Variants in NALF1 observed in about 807,000 individuals in gnomAD.
The protein encoded by NALF1 is family with sequence similarity 155 member A.
A neutral mutation model predicts 48.4 loss-of-function variants in NALF1; 3 were observed. The ratio of observed to expected loss-of-function variants is 0.06; its 90% CI spans 0.03 to 0.16. The LOEUF is 0.16. Ranked by LOEUF, NALF1 falls within the 10% of genes least tolerant of loss-of-function variation. The pLI, the probability that NALF1 is intolerant of heterozygous loss-of-function variation, is 1.00. For synonymous variants in NALF1, 262 were observed against 245.7 expected (o/e 1.07, Z -0.62); for missense variants, 526 against 571.5 (o/e 0.92, Z 0.81).
intron 1 of NALF1, among the ~76,000 whole-genome samples, chr13:107,662,329 T>C (rs988007903): frequency 6.6e-6 from 1 of 152,162 alleles, no homozygotes; most frequent in African/African-American, 2.4e-5. Flanking sequence ...GTAGAACTCA[T>C]TGTTTCCAGG....
chr13:107,447,714 C>T (rs938396498), intron 1 of NALF1, among the ~76,000 whole-genome samples: 10 of 152,116 alleles, frequency 6.6e-5, no homozygotes, highest in African/African-American at 1.9e-4. Context: ...GTCTTCTGTC[C>T]AGCTAATTCC....
chr13:107,747,419 G>C (rs562806231), intron 1 of NALF1, among the ~76,000 whole-genome samples: 4 of 152,268 alleles, frequency 2.6e-5, no homozygotes, highest in Admixed American at 2.6e-4. Context: ...CAGCAGTTAT[G>C]AAATGTACAT....
intron 1 of NALF1, among the ~76,000 whole-genome samples, chr13:107,440,984 G>A (rs1158275551): frequency 1.3e-5 from 2 of 152,146 alleles, no homozygotes; most frequent in Non-Finnish European, 1.5e-5. Context: ...ACCACAGGTA[G>A]ATGCTACCTA....
intron 1 of NALF1, among the ~76,000 whole-genome samples, chr13:107,413,945 C>A (rs1351771539): frequency 6.6e-6 from 1 of 152,172 alleles, no homozygotes; most frequent in Admixed American, 6.5e-5. Context: ...CACCACCACG[C>A]CCAGGTAATT....
At chr13:107,342,340 T>G (rs749417884) in intron 1 of NALF1, among the ~76,000 whole-genome samples, 2 of 152,190 alleles carry the variant, frequency 1.3e-5, no homozygotes, top group Non-Finnish European at 2.9e-5. Context: ...AGGGACCAGA[T>G]AGTAATAACC....
At chr13:107,847,305 A>G in intron 1 of NALF1, among the ~76,000 whole-genome samples, 1 of 152,298 alleles carries the variant, frequency 6.6e-6, no homozygotes, top group East Asian at 1.9e-4. Flanking sequence ...TCCTTAGCTG[A>G]TTTTACATTA....
At chr13:107,474,510 A>G (rs547496658) in intron 1 of NALF1, among the ~76,000 whole-genome samples, 1 of 152,344 alleles carries the variant, frequency 6.6e-6, no homozygotes, top group African/African-American at 2.4e-5. Flanking sequence ...AATATGCTAG[A>G]TTATTTGAGA....
intron 1 of NALF1, among the ~76,000 whole-genome samples, chr13:107,680,710 G>A (rs1422340212): frequency 6.7e-6 from 1 of 149,772 alleles, no homozygotes; most frequent in African/African-American, 2.5e-5. Flanking sequence ...ATGAGAAAGG[G>A]TGGGTGGTGT....
Position 107,164,423 on chromosome 13 carries a change from G to A in NALF1, c.*6074C>T, listed in dbSNP as rs1050695575. On this transcript the variant is annotated 3_prime_UTR_variant, in exon 3 of 3. Coordinates refer to ENST00000375915, the MANE Select transcript of NALF1 (RefSeq NM_001080396.3). Reference sequence around the variant, plus strand: ...AGTTTAATTAATTTTCATAATAAATGTTCCAATTTAAACATTTTCATGTTT... The same window carrying A: ...AGTTTAATTAATTTTCATAATAAATATTCCAATTTAAACATTTTCATGTTT... 2 of 151,738 alleles carry A rather than the reference G, an allele frequency of 1.3e-5. No homozygotes were observed. The highest frequency in any genetic ancestry group is 2.4e-5 in the African/African-American group (1 of 41,296). The allele number at this position is 151,738 out of a possible 1,614,324, so 9.4% of individuals were successfully genotyped here. A position where few individuals can be genotyped will look rare whatever the true frequency, so the allele number is the denominator to read the frequency against.
chr13:107,461,691 G>A (rs1594075154), intron 1 of NALF1, among the ~76,000 whole-genome samples: 2 of 152,282 alleles, frequency 1.3e-5, no homozygotes, highest in East Asian at 3.9e-4. Flanking sequence ...GCTGTCTTCT[G>A]CAAGGTGGCA....
chr13:107,311,034 G>T (rs536797943), intron 1 of NALF1, among the ~76,000 whole-genome samples: 5 of 152,152 alleles, frequency 3.3e-5, no homozygotes, highest in African/African-American at 1.2e-4. Flanking sequence ...GGGAAAAAAA[G>T]GTATCAACTT....
At chr13:107,492,044 T>G (rs1367564103) in intron 1 of NALF1, among the ~76,000 whole-genome samples, 7 of 143,390 alleles carry the variant, frequency 4.9e-5, no homozygotes, top group Middle Eastern at 3.5e-3. Flanking sequence ...TTTTTTTTGT[T>G]TTTTTTTTTT....
intron 1 of NALF1, among the ~76,000 whole-genome samples, chr13:107,826,786 A>C (rs1040147935): frequency 5.9e-5 from 9 of 152,216 alleles, no homozygotes. Flanking sequence ...TTCCTTGTTT[A>C]CATGACCTTG....
intron 1 of NALF1, among the ~76,000 whole-genome samples, chr13:107,791,782 C>CG (rs895903688): frequency 3.3e-5 from 5 of 151,468 alleles, no homozygotes; most frequent in East Asian, 2.0e-4. Flanking sequence ...GATCCCCGCC[C>CG]CCCCCCGTCT....
rs181980246 is a variant in NALF1 at position 107,538,263 on chromosome 13, T to C, written c.915+327419A>G. Among the ~76,000 whole-genome samples, 478 of 152,270 alleles carry C rather than the reference T, an allele frequency of 3.1e-3. 4 individuals carry two copies. The highest frequency in any genetic ancestry group is 0.011 in the African/African-American group (462 of 41,558). ...CTATTTGTACAATCCATATCCTTTA[T>C]TTGGAAAACTTCTTTTCACTCTTCA... On this transcript the variant is annotated intron_variant, in intron 1 of 2. Coordinates refer to ENST00000375915, the MANE Select transcript of NALF1 (RefSeq NM_001080396.3).
rs75603809 is a variant in NALF1, at chr13:107,753,509, T to A, written c.915+112173A>T. ...CCAAGGCAGTCTTTTTTTTTTTTTTTTATCTTCAAGGGATGATGACGAAAT... is the reference window on the plus strand; with the variant it reads ...CCAAGGCAGTCTTTTTTTTTTTTTTATATCTTCAAGGGATGATGACGAAAT... On this transcript the variant is annotated intron_variant, in intron 1 of 2. Transcript: ENST00000375915. 2.9e-3 allele frequency among the ~76,000 whole-genome samples: 444 copies of A among 151,972 alleles called. 1 individual carries two copies. The highest frequency in any genetic ancestry group is 0.01 in the African/African-American group (432 of 41,450).
chr13:107,454,210 T>C (rs959935040), intron 1 of NALF1, among the ~76,000 whole-genome samples: 1 of 152,174 alleles, frequency 6.6e-6, no homozygotes, highest in African/African-American at 2.4e-5. Flanking sequence ...GGTATCTTTA[T>C]AGTAGCACCC....
At chr13:107,832,284 G>A (rs1388096541) in intron 1 of NALF1, among the ~76,000 whole-genome samples, 1 of 151,468 alleles carries the variant, frequency 6.6e-6, no homozygotes, top group Non-Finnish European at 1.5e-5. Flanking sequence ...AAGTAAAAAA[G>A]ATATTATATA....
intron 1 of NALF1, among the ~76,000 whole-genome samples, chr13:107,489,395 A>T (rs1885380633): frequency 6.6e-6 from 1 of 152,194 alleles, no homozygotes; most frequent in Non-Finnish European, 1.5e-5. Context: ...GAGCTACAGT[A>T]AACAAAACAG....
Sources: gnomAD v4.1 joint callset for allele counts (sites outside exome capture counted in the v4.1 genomes callset) on GRCh38, gnomAD v4.1.1 for gene constraint, MANE v1.5 for transcripts, NCBI Gene and HGNC (gene_info 2026-07-23, HGNC 2026-07-21) for gene names.